The following SEMA3A variants were observed in gnomAD, a reference collection of about 807,000 sequenced individuals.
The protein encoded by SEMA3A is semaphorin 3A.
A neutral mutation model predicts 97.9 loss-of-function variants in SEMA3A; 29 were observed. The ratio of observed to expected loss-of-function variants is 0.30; its 90% CI spans 0.22 to 0.40. The LOEUF is 0.40. Ranked by LOEUF, SEMA3A falls within the 10% of genes least tolerant of loss-of-function variation. The probability of loss-of-function intolerance (pLI) is 1.00; values close to 1 mark genes in which losing one functional copy is unlikely to be tolerated. For missense variants in SEMA3A, 763 were observed against 951.3 expected (o/e 0.80, Z 2.60); for synonymous variants, 321 against 323.7 (o/e 0.99, Z 0.09).
chr7:84,285,047 T>A lies in SEMA3A; in HGVS notation c.-83+22160A>T, dbSNP rs118154554. The stretch of plus-strand genomic sequence containing the variant: ...TGCACGTTCTCCACTTCTCTTGTAC[T>A]CTTTTATTTTTTTTGACAATGTAAC... On this transcript the variant is annotated intron_variant, in intron 3 of 3. Transcript: ENST00000424555. Among the ~76,000 whole-genome samples, 169 of 152,324 alleles carry A rather than the reference T, an allele frequency of 1.1e-3. 1 individual carries two copies. Among genetic ancestry groups the A allele is most frequent in the Non-Finnish European group, 2.0e-3 (139 of 68,018 alleles).
intron 1 of SEMA3A, among the ~76,000 whole-genome samples, chr7:84,470,123 A>G (rs1806109361): frequency 6.6e-6 from 1 of 151,970 alleles, no homozygotes; most frequent in African/African-American, 2.4e-5. Flanking sequence ...TAGATAATCT[A>G]ACAAAGAATG....
At chr7:84,029,812 C>T (rs887679225) in intron 6 of SEMA3A, among the ~76,000 whole-genome samples, 4 of 73,456 alleles carry the variant, frequency 5.4e-5, no homozygotes, top group Admixed American at 2.9e-4. Context: ...CTTCCATATA[C>T]ACACACACAC....
intron 6 of SEMA3A, among the ~76,000 whole-genome samples, chr7:84,019,984 T>A (rs975613837): frequency 2.7e-5 from 4 of 150,162 alleles, no homozygotes; most frequent in African/African-American, 9.7e-5. Context: ...AATGAAGTAA[T>A]CACCTAGTGT....
intron 1 of SEMA3A, among the ~76,000 whole-genome samples, chr7:84,398,533 G>A (rs1803803292): frequency 6.6e-6 from 1 of 152,174 alleles, no homozygotes; most frequent in Admixed American, 6.5e-5. Context: ...TGAGGCAGAA[G>A]GACTGCTTGA....
chr7:83,984,549 G>A, intron 13 of SEMA3A, among the ~76,000 whole-genome samples: 1 of 142,278 alleles, frequency 7.0e-6, no homozygotes, highest in East Asian at 2.3e-4. Flanking sequence ...TTACAATTTT[G>A]TATATAAGTT....
rs73394461 is a variant in SEMA3A at position 83,973,357 on chromosome 7, C to G, written c.1717+3775G>C. On this transcript the variant is annotated intron_variant, in intron 15 of 16. Transcript: ENST00000265362. ...TGGTGTCCCAGTTTGATGCTGGGAT[C>G]ATCTAGTAGACTGACCATCTTCAGC... Among the ~76,000 whole-genome samples the G allele has an allele frequency of 2.4e-3, 361 of 151,898 alleles. 3 individuals carry two copies. The highest frequency in any genetic ancestry group is 8.4e-3 in the African/African-American group (350 of 41,444).
chr7:83,985,062 T>C (rs549221391), intron 13 of SEMA3A, among the ~76,000 whole-genome samples: 10 of 152,252 alleles, frequency 6.6e-5, no homozygotes, highest in African/African-American at 2.4e-4. Flanking sequence ...ATTTTTTTTA[T>C]ATCCTGAAAT....
At chr7:84,290,781 G>A (rs1800722180) in intron 3 of SEMA3A, among the ~76,000 whole-genome samples, 1 of 152,116 alleles carries the variant, frequency 6.6e-6, no homozygotes, top group Non-Finnish European at 1.5e-5. Flanking sequence ...ACTTCATTCA[G>A]AGATGAACAT....
chr7:84,375,246 C>T (rs1041728335), intron 1 of SEMA3A, among the ~76,000 whole-genome samples: 2 of 152,144 alleles, frequency 1.3e-5, no homozygotes, highest in Non-Finnish European at 2.9e-5. Flanking sequence ...TCTCGAACTT[C>T]TGACCTCATG....
intron 1 of SEMA3A, among the ~76,000 whole-genome samples, chr7:84,154,691 C>CA (rs76502594): frequency 0.012 from 1,327 of 108,356 alleles, 25 homozygotes; most frequent in African/African-American, 0.038. Context: ...AAAAAAAAAA[C>CA]AAAAAAAAAA....
intron 4 of SEMA3A, among the ~76,000 whole-genome samples, chr7:84,091,248 A>G (rs1406184293): frequency 3.4e-5 from 5 of 145,166 alleles, no homozygotes; most frequent in African/African-American, 1.2e-4. Context: ...GGAAGGAAGG[A>G]AAGAACGAAG....
chr7:83,987,924 G>C (rs1789705664), intron 12 of SEMA3A, among the ~76,000 whole-genome samples: 1 of 152,168 alleles, frequency 6.6e-6, no homozygotes, highest in Non-Finnish European at 1.5e-5. Context: ...TTATTCTAGA[G>C]AGGTGGCCTA....
At chr7:84,202,690 T>C (rs1382626220) in intron 3 of SEMA3A, among the ~76,000 whole-genome samples, 1 of 152,208 alleles carries the variant, frequency 6.6e-6, no homozygotes, top group Non-Finnish European at 1.5e-5. Context: ...ATACCTTGCA[T>C]TGTTTCCTTT....
Position 83,981,405 on chromosome 7 carries a change from G to A in SEMA3A, c.1568C>T (p.Ala523Val), listed in dbSNP as rs377259138. Residue 523 changes from alanine (A) to valine (V), a missense_variant, in exon 14 of 17, where the codon GCG becomes GTG. By Grantham distance (64) the Ala-to-Val change is moderately conservative. Around this residue, in one of 2 missense-constraint regions of SEMA3A, gnomAD observed 678 missense variants for 881.3 expected, o/e 0.77. Transcript: ENST00000265362. The part of the protein sequence containing the change: ...PLHRCDIYGK[A>V]CAECCLARDP... ...TCGGGCGAGGCAACACTCAGCACAC[G>A]CTTTCCCGTAAATATCACACCGGTG... The A allele has an allele frequency of 4.0e-5, 65 of 1,613,798 alleles. No homozygotes were observed. The African/African-American group carries it at 6.3e-4, about 16-fold the overall frequency.
At chr7:84,050,295 C>A (rs151301065) in intron 5 of SEMA3A, among the ~76,000 whole-genome samples, 2,331 of 152,278 alleles carry the variant, frequency 0.015, 24 homozygotes, top group Non-Finnish European at 0.025. Context: ...CTGACTTCCA[C>A]AATGGTTGAA....
intron 6 of SEMA3A, among the ~76,000 whole-genome samples, chr7:84,026,868 G>C (rs151063180): frequency 6.6e-6 from 1 of 152,010 alleles, no homozygotes; most frequent in African/African-American, 2.4e-5. Context: ...GGAAAAGGGA[G>C]AGAAGCAGAA....
chr7:84,073,007 A>C (rs1793799471), intron 4 of SEMA3A, among the ~76,000 whole-genome samples: 2 of 152,168 alleles, frequency 1.3e-5, no homozygotes, highest in African/African-American at 4.8e-5. Context: ...TAACCACTAT[A>C]TAAAAATGCA....
At chr7:84,128,634 G>C (rs1256809521) in intron 3 of SEMA3A, among the ~76,000 whole-genome samples, 1 of 151,990 alleles carries the variant, frequency 6.6e-6, no homozygotes, top group Non-Finnish European at 1.5e-5. Flanking sequence ...TATTTCTCAA[G>C]GGTGATTAAG....
At chr7:84,482,159 T>C (rs948824456) in intron 1 of SEMA3A, among the ~76,000 whole-genome samples, 2 of 151,996 alleles carry the variant, frequency 1.3e-5, no homozygotes, top group South Asian at 2.1e-4. Flanking sequence ...AGTTAAAATA[T>C]TGAGGTAGTG....
Sources: allele counts gnomAD v4.1 joint callset (sites outside exome capture counted in the v4.1 genomes callset), GRCh38; gene constraint gnomAD v4.1.1; regional missense constraint gnomAD v4.1.1; transcripts MANE v1.5; gene names NCBI Gene and HGNC (gene_info 2026-07-23, HGNC 2026-07-21).